PARD3B: variants seen among roughly 807,000 people sequenced by gnomAD.
PARD3B encodes par-3 family cell polarity regulator beta, also known as partitioning defective 3 homolog B.
In PARD3B, 103 loss-of-function variants were observed where a neutral mutation model predicts 130.2. The ratio of observed to expected loss-of-function variants is 0.79; its 90% CI spans 0.67 to 0.93. The LOEUF is 0.93. Among genes scored for constraint, PARD3B ranks in the 40% least tolerant of loss-of-function variants. The pLI is 0.00. For synonymous variants in PARD3B, 583 were observed against 553.2 expected, an observed-to-expected ratio of 1.05 and a Z score of -0.76; for missense variants, 1,609 against 1,499.2, an observed-to-expected ratio of 1.07 and a Z score of -1.21.
intron 16 of PARD3B, among the ~76,000 whole-genome samples, chr2:205,296,041 A>G (rs927903063): frequency 6.6e-6 from 1 of 152,198 alleles, no homozygotes; most frequent in South Asian, 2.1e-4. Flanking sequence ...TAAGAATTCA[A>G]TGATGGATTG....
At chr2:205,327,625 C>A (rs1390878130) in intron 18 of PARD3B, among the ~76,000 whole-genome samples, 1 of 152,112 alleles carries the variant, frequency 6.6e-6, no homozygotes, top group Non-Finnish European at 1.5e-5. Context: ...ATACTCCTCC[C>A]TTTTTTTACT....
intron 10 of PARD3B, among the ~76,000 whole-genome samples, chr2:205,145,875 C>G (rs1308805094): frequency 6.6e-6 from 1 of 151,360 alleles, no homozygotes; most frequent in Non-Finnish European, 1.5e-5. Context: ...TCATAGACAC[C>G]CTCATTCTCT....
intron 18 of PARD3B, among the ~76,000 whole-genome samples, chr2:205,308,484 G>A (rs2042260531): frequency 6.6e-6 from 1 of 151,932 alleles, no homozygotes; most frequent in African/African-American, 2.4e-5. Flanking sequence ...GCGGGCGCCT[G>A]TAGTCCCAGC....
rs931151728 is a variant in PARD3B at position 205,416,712 on chromosome 2, TA to T, written c.2741+15597del. ...GCCCCTTTATGGAAGATTGATGCAT[TA>T]AAAAAAATCATGTAAGTATCCACTG... On this transcript the variant is annotated intron_variant, in intron 19 of 22. Transcript: ENST00000406610. 5.3e-5 allele frequency among the ~76,000 whole-genome samples: 8 copies of T among 152,036 alleles called. 1 individual carries two copies. In the East Asian group the frequency reaches 7.7e-4, roughly 15 times the overall value.
chr2:205,562,561 CT>C lies in PARD3B; in HGVS notation c.3260+9160del, dbSNP rs2053175452. Among the ~76,000 whole-genome samples the C allele has an allele frequency of 6.6e-6, 1 of 152,152 alleles. No individual in the cohort carries two copies. Among genetic ancestry groups the C allele is most frequent in the Non-Finnish European group, 1.5e-5 (1 of 68,034 alleles). ...AAATCTATTAAGCTTGGTAAGCTGA[CT>C]TGCATGTTTTCCCTCCTGCACATAT... On this transcript the variant is annotated intron_variant, in intron 22 of 22. Coordinates refer to ENST00000406610, the MANE Select transcript of PARD3B (RefSeq NM_001302769.2). The surrounding 1 kb of genome is among the most constrained non-coding windows in gnomAD (Gnocchi z 5.4).
chr2:205,531,966 TTTC>T (rs1340142779), intron 21 of PARD3B, among the ~76,000 whole-genome samples: 1 of 152,170 alleles, frequency 6.6e-6, no homozygotes, highest in African/African-American at 2.4e-5. Flanking sequence ...CCTTGAATGT[TTTC>T]TTCACCTCCA....
In PARD3B at chr2:205,105,147, C is replaced by T. The variant is rs1703112492; in HGVS notation, c.593+633C>T. ...TAGTCCTGTGAGCTTAGACAAGTTACTCATTTCTCTTTCTCTTAGTTTCTA... is the reference window on the plus strand; with the variant it reads ...TAGTCCTGTGAGCTTAGACAAGTTATTCATTTCTCTTTCTCTTAGTTTCTA... On this transcript the variant is annotated intron_variant, in intron 5 of 22. Transcript: ENST00000406610. This position sits in a 1 kb window ranked among gnomAD's most constrained non-coding sequence, Gnocchi z 4.0. Among the ~76,000 whole-genome samples the T allele has an allele frequency of 6.6e-6, 1 of 152,128 alleles. No homozygotes were observed. Among genetic ancestry groups the T allele is most frequent in the Non-Finnish European group, 1.5e-5 (1 of 68,032 alleles).
chr2:205,419,203 C>T (rs1200292375), intron 19 of PARD3B, among the ~76,000 whole-genome samples: 10 of 152,022 alleles, frequency 6.6e-5, no homozygotes, highest in Admixed American at 4.6e-4. Context: ...CTTTCCTGTG[C>T]TGTTCTCGTG....
chr2:204,753,291 A>C (rs1363344250), intron 2 of PARD3B, among the ~76,000 whole-genome samples: 1 of 152,206 alleles, frequency 6.6e-6, no homozygotes, highest in Non-Finnish European at 1.5e-5. Context: ...CATTTTAAAA[A>C]TATCTTCAGT....
chr2:205,542,765 A>T (rs909838173), intron 21 of PARD3B, among the ~76,000 whole-genome samples: 3 of 152,338 alleles, frequency 2.0e-5, no homozygotes, highest in East Asian at 3.9e-4. Flanking sequence ...CTAAGCAGTT[A>T]CATAATTTAG....
rs1031814008 is a variant in PARD3B, at chr2:205,366,538, G to A, written c.2631-34475G>A. Among the ~76,000 whole-genome samples the A allele has an allele frequency of 5.3e-5, 8 of 152,146 alleles. No homozygotes were observed. Among genetic ancestry groups the A allele is most frequent in the East Asian group, 1.9e-4 (1 of 5,194 alleles). On this transcript the variant is annotated intron_variant, in intron 18 of 22. Transcript: ENST00000406610. This position sits in a 1 kb window ranked among gnomAD's most constrained non-coding sequence, Gnocchi z 5.0. ...CCCAGAGGAATAGAAATGTCACATC[G>A]TGACTGAGGGACAGAGCTAATGCCA...
At chr2:204,550,274 TTATAC>T (rs1407823413) in intron 1 of PARD3B, among the ~76,000 whole-genome samples, 5 of 152,272 alleles carry the variant, frequency 3.3e-5, no homozygotes, top group African/African-American at 9.6e-5. Context: ...TAAACAGTTG[TTATAC>T]TATACTGTTT....
At chr2:204,971,834 ATT>A (rs3038727) in intron 3 of PARD3B, among the ~76,000 whole-genome samples, 20,880 of 131,186 alleles carry the variant, frequency 0.16, 1,377 homozygotes, top group African/African-American at 0.25. Flanking sequence ...TTTTGTTTTA[ATT>A]TTTTTTTTTT....
At chr2:205,541,608 A>G (rs1185501626) in intron 21 of PARD3B, among the ~76,000 whole-genome samples, 1 of 151,840 alleles carries the variant, frequency 6.6e-6, no homozygotes, top group African/African-American at 2.4e-5. Flanking sequence ...TCAGCCTCCC[A>G]AAGTGCTGGG....
intron 16 of PARD3B, among the ~76,000 whole-genome samples, chr2:205,299,064 T>C (rs991295347): frequency 6.6e-6 from 1 of 152,216 alleles, no homozygotes; most frequent in Non-Finnish European, 1.5e-5. Flanking sequence ...TAACACAGAC[T>C]AAGCACTCCA....
intron 3 of PARD3B, among the ~76,000 whole-genome samples, chr2:205,005,212 G>A (rs1238188112): frequency 6.6e-6 from 1 of 151,500 alleles, no homozygotes; most frequent in African/African-American, 2.4e-5. Flanking sequence ...ATACACACAT[G>A]TACACAAAAA....
In PARD3B at chr2:204,998,312, GTATATATATATATATATATA is replaced by G. The variant is rs771546892; in HGVS notation, c.394+33017_394+33036del. ...CTGCACATGTATCCCAGAACTTAAA[GTATATATATATATATATATA>G]TATATATATATATATATATATATAT... On this transcript the variant is annotated intron_variant, in intron 3 of 22. Coordinates refer to ENST00000406610, the MANE Select transcript of PARD3B (RefSeq NM_001302769.2). Among the ~76,000 whole-genome samples, 81 of 52,008 alleles carry G rather than the reference GTATATATATATATATATATA, an allele frequency of 1.6e-3. 4 individuals carry two copies. Among genetic ancestry groups the G allele is most frequent in the African/African-American group, 4.5e-3 (52 of 11,498 alleles). The allele number at this position is 52,008 out of a possible 152,430, so 34.1% of individuals were successfully genotyped here.
intron 18 of PARD3B, among the ~76,000 whole-genome samples, chr2:205,348,714 A>C (rs2043884969): frequency 6.6e-6 from 1 of 152,228 alleles, no homozygotes; most frequent in Non-Finnish European, 1.5e-5. Flanking sequence ...TTCCTCCAGA[A>C]TAATGTCTGG....
intron 12 of PARD3B, among the ~76,000 whole-genome samples, chr2:205,174,220 G>A (rs1326670950): frequency 6.6e-6 from 1 of 152,086 alleles, no homozygotes; most frequent in Non-Finnish European, 1.5e-5. Flanking sequence ...TCAGAAGAAA[G>A]TATGAAACTC....
Sources: allele counts gnomAD v4.1 joint callset (sites outside exome capture counted in the v4.1 genomes callset), GRCh38; gene constraint gnomAD v4.1.1; non-coding constraint Gnocchi (gnomAD v3.1); transcripts MANE v1.5; gene names NCBI Gene and HGNC (gene_info 2026-07-23, HGNC 2026-07-21).